ANAPC5: variants seen among roughly 807,000 people sequenced by gnomAD.
The protein encoded by ANAPC5 is anaphase promoting complex subunit 5.
ANAPC5 carries 60 observed loss-of-function variants against 91.3 expected under a neutral mutation model. The ratio of observed to expected loss-of-function variants is 0.66; its 90% CI spans 0.53 to 0.81. ANAPC5 has a LOEUF of 0.81. ANAPC5 is among the 40% of genes least tolerant of loss of function. The pLI, the probability that ANAPC5 is intolerant of heterozygous loss-of-function variation, is 0.00. For synonymous variants in ANAPC5, 340 were observed against 364.1 expected, an observed-to-expected ratio of 0.93 and a Z score of 0.75; for missense variants, 690 against 931.5, an observed-to-expected ratio of 0.74 and a Z score of 3.37.
intron 1 of ANAPC5, among the ~76,000 whole-genome samples, 154 bp from the exon 2 acceptor site, chr12:121,348,035 A>G (rs1903739150): frequency 6.6e-6 from 1 of 152,210 alleles, no homozygotes; most frequent in Admixed American, 6.5e-5. Flanking sequence ...CACTAAAGTA[A>G]TACTTCACAT....
At chr12:121,317,375 T>C (rs1902411532) in intron 15 of ANAPC5, among the ~76,000 whole-genome samples, 1 of 151,536 alleles carries the variant, frequency 6.6e-6, no homozygotes. Context: ...TGCCTCAGCC[T>C]CCCGAGTGGC....
At chr12:121,311,236 G>A (rs1902157704) in intron 15 of ANAPC5, among the ~76,000 whole-genome samples, 1 of 152,096 alleles carries the variant, frequency 6.6e-6, no homozygotes, top group Admixed American at 6.6e-5. Flanking sequence ...CTCCAGCCTG[G>A]ACGACTGAGT....
At chr12:121,351,878 G>C (rs1555275416) in intron 1 of ANAPC5, among the ~76,000 whole-genome samples, 1 of 151,552 alleles carries the variant, frequency 6.6e-6, no homozygotes, top group Admixed American at 6.6e-5. Context: ...CAGGATCTGA[G>C]ACTCTAACTC....
chr12:121,352,189 GCGCCCT>G lies in ANAPC5; in HGVS notation c.146_151del (p.Glu49_Gly50del). 1 of 1,613,360 alleles carries G rather than the reference GCGCCCT, an allele frequency of 6.2e-7. No homozygotes were observed. On this transcript the variant is annotated inframe_deletion, in exon 1 of 17. Transcript: ENST00000261819. ...CCTCCGCCGCTCCATGAGGCTGACG[GCGCCCT>G]CGCCTGTGCGGCTCATCTCGTTCAG...
chr12:121,341,056 G>A (rs925238399), intron 5 of ANAPC5, among the ~76,000 whole-genome samples: 2 of 152,032 alleles, frequency 1.3e-5, no homozygotes, highest in African/African-American at 2.4e-5. Flanking sequence ...TGGGCTGGGC[G>A]TGGTGGCTCA....
At chr12:121,344,647 G>A (rs530299795) in intron 4 of ANAPC5, among the ~76,000 whole-genome samples, 2 of 152,194 alleles carry the variant, frequency 1.3e-5, no homozygotes, top group South Asian at 4.2e-4. Context: ...GGTCAGGGAG[G>A]CCCGTCTGAG....
chr12:121,324,881 TA>T (rs1417595621), intron 11 of ANAPC5, among the ~76,000 whole-genome samples: 2 of 151,732 alleles, frequency 1.3e-5, no homozygotes, highest in Non-Finnish European at 2.9e-5. Context: ...CCCCATCTCT[TA>T]AAAAAATAAA....
chr12:121,319,801 A>G lies in ANAPC5; in HGVS notation c.1533T>C (p.Asp511=), dbSNP rs746313112. 15 of 1,605,448 alleles carry G rather than the reference A, an allele frequency of 9.3e-6. No individual in the cohort carries two copies. The highest frequency in any genetic ancestry group is 1.3e-5 in the Non-Finnish European group (15 of 1,177,374). ...TTGCTCTGTCAAACTGTATTTTTTG[A>G]TCACATAGCATCCATAACTAGTAAG... ...SQHAQLWMLC[D]QKIQFDRAMN... The change falls in exon 13 of 17, where the codon GAT becomes GAC. Residue 511 remains aspartate (D), a synonymous_variant. Transcript: ENST00000261819.
At chr12:121,332,852 A>G (rs1267134259) in intron 7 of ANAPC5, 5 of 152,230 alleles carry the variant, frequency 3.3e-5, no homozygotes, top group Admixed American at 2.6e-4. Flanking sequence ...TATTGTAAAC[A>G]TAGACAAATT....
At chr12:121,346,070 T>C in intron 3 of ANAPC5, 39 bp from the exon 4 acceptor site, 1 of 1,539,750 alleles carries the variant, frequency 6.5e-7, no homozygotes, top group Non-Finnish European at 8.8e-7. Context: ...AAGCATTAAC[T>C]GACATCCAGG....
intron 15 of ANAPC5, among the ~76,000 whole-genome samples, chr12:121,311,559 A>G (rs1274253492): frequency 6.6e-6 from 1 of 152,204 alleles, no homozygotes; most frequent in Non-Finnish European, 1.5e-5. Flanking sequence ...TAGGCCAGGC[A>G]CAGTATCTCA....
At chr12:121,340,731 G>GT (rs1459264627) in intron 5 of ANAPC5, among the ~76,000 whole-genome samples, 2 of 60,298 alleles carry the variant, frequency 3.3e-5, no homozygotes, top group Non-Finnish European at 1.6e-4. Context: ...TTTTGTGTGT[G>GT]TGTTTTTTTT....
rs147106808 is a variant in ANAPC5, at chr12:121,319,297, A to C, written c.1637+400T>G. On this transcript the variant is annotated intron_variant, in intron 13 of 16. Transcript: ENST00000261819. The stretch of plus-strand genomic sequence containing the variant: ...TGCCTGGGCTGGAGGCAATGGTGCG[A>C]TCTTGGCTCACTGCAACCTCCGCCT... Among the ~76,000 whole-genome samples the C allele has an allele frequency of 7.9e-3, 1,176 of 149,272 alleles. 16 individuals carry two copies. Among genetic ancestry groups the C allele is most frequent in the African/African-American group, 0.027 (1,108 of 40,410 alleles).
intron 11 of ANAPC5, among the ~76,000 whole-genome samples, chr12:121,325,673 C>A (rs1902787573): frequency 6.6e-6 from 1 of 151,934 alleles, no homozygotes; most frequent in Admixed American, 6.6e-5. Context: ...TCAAGACTAT[C>A]CTGGCCAACA....
At position 121,309,847 on chromosome 12, in the gene ANAPC5, G is replaced by T. The variant is rs1174556080; in HGVS notation, c.1910C>A (p.Pro637Gln). ...LAFAQLILGI[P>Q]EQALSLLHMA... ...GTGGAGAAGACTTAAGGCCTGTTCT[G>T]GGATTCCAAGAATGAGCTGAAAAAG... Residue 637 changes from proline (P) to glutamine (Q), a missense_variant, in exon 16 of 17, where the codon CCA becomes CAA. Physicochemically the swap from Pro to Gln is moderately conservative, Grantham distance 76. Around this residue, in one of 5 missense-constraint regions of ANAPC5, gnomAD observed 317 missense variants for 438.7 expected, o/e 0.72. Coordinates refer to ENST00000261819, the MANE Select transcript of ANAPC5 (RefSeq NM_016237.5). 6.2e-7 allele frequency: 1 copy of T among 1,613,080 alleles called. No homozygotes were observed. Among genetic ancestry groups the T allele is most frequent in the Admixed American group, 1.7e-5 (1 of 59,740 alleles).
At chr12:121,353,427 C>G (rs915588273), upstream of ANAPC5, among the ~76,000 whole-genome samples, 2 of 98,762 alleles carry the variant, frequency 2.0e-5, no homozygotes, top group Admixed American at 1.1e-4. Flanking sequence ...ACACACTGTG[C>G]CTTGTGCCTT....
Position 121,308,466 on chromosome 12 carries a change from C to A in ANAPC5, c.*14G>T, listed in dbSNP as rs1314048523. On this transcript the variant is annotated 3_prime_UTR_variant, in exon 17 of 17. Coordinates refer to ENST00000261819, the MANE Select transcript of ANAPC5 (RefSeq NM_016237.5). ...TCTTATACTCTGCACAGCAGCCCAG[C>A]AGGGATGTCCTCTCTAGAGATGGTT... 2 of 1,612,138 alleles carry A rather than the reference C, an allele frequency of 1.2e-6. No individual in the cohort carries two copies. The highest frequency in any genetic ancestry group is 4.5e-5 in the East Asian group (2 of 44,856).
In ANAPC5 at chr12:121,349,978, C is replaced by G. The variant is rs893447600; in HGVS notation, c.208-2097G>C. Among the ~76,000 whole-genome samples, 10 of 151,866 alleles carry G rather than the reference C, an allele frequency of 6.6e-5. No individual in the cohort carries two copies. The East Asian group carries it at 1.9e-3, about 29-fold the overall frequency. On this transcript the variant is annotated intron_variant, in intron 1 of 16. Transcript: ENST00000261819. Reference sequence around the variant, plus strand: ...CACCCACCTCAGCCTCCCAAAGTGCCGGGGTTACAGGTGTGATCCCACCCG... The same window carrying G: ...CACCCACCTCAGCCTCCCAAAGTGCGGGGGTTACAGGTGTGATCCCACCCG...
chr12:121,340,341 G>A (rs1158557081), intron 5 of ANAPC5, among the ~76,000 whole-genome samples: 1 of 147,922 alleles, frequency 6.8e-6, no homozygotes, highest in East Asian at 2.0e-4. Flanking sequence ...AACCAACAAT[G>A]TGTAGCTCAT....
Sources: allele counts gnomAD v4.1 joint callset (sites outside exome capture counted in the v4.1 genomes callset), GRCh38; gene constraint gnomAD v4.1.1; regional missense constraint gnomAD v4.1.1; transcripts MANE v1.5; gene names NCBI Gene and HGNC (gene_info 2026-07-23, HGNC 2026-07-21).